Variants in TCERG1L observed in about 807,000 individuals in gnomAD.
TCERG1L encodes the protein transcription elongation regulator 1 like, also known as transcription elongation regulator 1-like protein.
A neutral mutation model predicts 56.3 loss-of-function variants in TCERG1L; 37 were observed. The ratio of observed to expected loss-of-function variants is 0.66; its 90% CI spans 0.51 to 0.87. TCERG1L has a LOEUF of 0.87. TCERG1L is among the 40% of genes least tolerant of loss of function. The pLI, the probability that TCERG1L is intolerant of heterozygous loss-of-function variation, is 0.00. For synonymous variants in TCERG1L, 324 were observed against 326.3 expected, an observed-to-expected ratio of 0.99 and a Z score of 0.08; for missense variants, 799 against 774.2, an observed-to-expected ratio of 1.03 and a Z score of -0.38.
At chr10:131,182,846 T>C (rs1845195747) in intron 4 of TCERG1L, among the ~76,000 whole-genome samples, 1 of 152,266 alleles carries the variant, frequency 6.6e-6, no homozygotes, top group African/African-American at 2.4e-5. Context: ...AACTAACTTC[T>C]TTCAGTTATC....
intron 4 of TCERG1L, among the ~76,000 whole-genome samples, chr10:131,170,789 T>A (rs1458691269): frequency 3.3e-5 from 5 of 152,098 alleles, no homozygotes; most frequent in Non-Finnish European, 7.3e-5. Flanking sequence ...GGGGAGGGCA[T>A]CCAGGGGAAA....
intron 8 of TCERG1L, among the ~76,000 whole-genome samples, chr10:131,129,440 C>A (rs527259993): frequency 6.6e-6 from 1 of 152,286 alleles, no homozygotes; most frequent in East Asian, 1.9e-4. Context: ...AAAACGCTGG[C>A]GTTGAGCTGA....
intron 3 of TCERG1L, among the ~76,000 whole-genome samples, chr10:131,284,550 A>C (rs868763615): frequency 3.3e-5 from 5 of 152,292 alleles, no homozygotes; most frequent in Middle Eastern, 3.4e-3. Context: ...AGATAAGAGC[A>C]GATTTCAATC....
intron 3 of TCERG1L, among the ~76,000 whole-genome samples, chr10:131,283,435 C>T (rs1397019254): frequency 2.0e-5 from 3 of 152,118 alleles, no homozygotes; most frequent in African/African-American, 7.2e-5. Flanking sequence ...AAAAGCATAA[C>T]CAACTGAGCT....
chr10:131,281,864 C>T (rs186035082), intron 3 of TCERG1L, among the ~76,000 whole-genome samples: 15 of 146,280 alleles, frequency 1.0e-4, no homozygotes, highest in Middle Eastern at 3.5e-3. Flanking sequence ...TGGCCGGGCG[C>T]GGTGGCTCAC....
intron 4 of TCERG1L, among the ~76,000 whole-genome samples, chr10:131,251,309 C>T (rs867068096): frequency 6.6e-6 from 1 of 151,810 alleles, no homozygotes; most frequent in Non-Finnish European, 1.5e-5. Flanking sequence ...CCCCCTCCCC[C>T]CGGCCCCTCC....
intron 4 of TCERG1L, among the ~76,000 whole-genome samples, chr10:131,222,967 A>G (rs936465489): frequency 1.3e-5 from 2 of 152,158 alleles, no homozygotes; most frequent in African/African-American, 4.8e-5. Flanking sequence ...TCTGCACAAG[A>G]CAATGGCCTA....
intron 11 of TCERG1L, among the ~76,000 whole-genome samples, chr10:131,097,073 G>A (rs1449839496): frequency 6.6e-6 from 1 of 151,488 alleles, no homozygotes; most frequent in East Asian, 2.0e-4. Context: ...GGTAGTGGGT[G>A]CCTGTTATCC....
At chr10:131,168,106 T>C (rs1846050873) in intron 4 of TCERG1L, among the ~76,000 whole-genome samples, 2 of 152,184 alleles carry the variant, frequency 1.3e-5, no homozygotes, top group Non-Finnish European at 2.9e-5. Flanking sequence ...TGCTCCTTCC[T>C]GGTAGACGGA....
At chr10:131,127,506 G>A (rs12242315) in intron 8 of TCERG1L, among the ~76,000 whole-genome samples, 2,068 of 152,278 alleles carry the variant, frequency 0.014, 46 homozygotes, top group African/African-American at 0.047. Context: ...CAGGAAGTTC[G>A]AAAGGGCAGG....
Position 131,311,522 on chromosome 10 carries a change from GGGCGGCGGC to G in TCERG1L, c.105_113del (p.Pro36_Pro38del), listed in dbSNP as rs891363436. 1.3e-5 allele frequency: 16 copies of G among 1,200,380 alleles called. No homozygotes were observed. Among genetic ancestry groups the G allele is most frequent in the Non-Finnish European group, 1.3e-5 (13 of 965,578 alleles). The allele number at this position is 1,200,380 out of a possible 1,614,324, so 74.4% of individuals were successfully genotyped here. ...CCGAGCCCGGCACCATCCAGACCCA[GGGCGGCGGC>G]GGCGGCGGCTCTGCGTCCATCGGCC... On this transcript the variant is annotated inframe_deletion, in exon 1 of 12. Coordinates refer to ENST00000368642, the MANE Select transcript of TCERG1L (RefSeq NM_174937.4). The surrounding 1 kb of genome is among the most constrained non-coding windows in gnomAD (Gnocchi z 4.0).
intron 7 of TCERG1L, among the ~76,000 whole-genome samples, chr10:131,135,148 C>A (rs969358161): frequency 6.6e-6 from 1 of 152,166 alleles, no homozygotes; most frequent in African/African-American, 2.4e-5. Flanking sequence ...GTCATCCAGA[C>A]CAAAAATTTT....
At chr10:131,226,460 C>T (rs1807082644) in intron 4 of TCERG1L, among the ~76,000 whole-genome samples, 1 of 152,206 alleles carries the variant, frequency 6.6e-6, no homozygotes, top group South Asian at 2.1e-4. Flanking sequence ...CAAGCCACCA[C>T]CTTTCCAGAA....
chr10:131,222,048 C>CAAG (rs927649468), intron 4 of TCERG1L, among the ~76,000 whole-genome samples: 6 of 152,304 alleles, frequency 3.9e-5, no homozygotes, highest in Middle Eastern at 3.4e-3. Context: ...GGGGTTAATC[C>CAAG]ACATTTCTCA....
chr10:131,176,699 GAC>G (rs1158348693), intron 4 of TCERG1L, among the ~76,000 whole-genome samples: 3 of 100,930 alleles, frequency 3.0e-5, no homozygotes, highest in African/African-American at 5.4e-5. Context: ...TGCACACACA[GAC>G]ACGTGTACAC....
chr10:131,163,004 AT>A, intron 6 of TCERG1L, 117 bp downstream of exon 6: 1 of 767,346 alleles, frequency 1.3e-6, no homozygotes, highest in Non-Finnish European at 2.0e-6. Context: ...TTGCAAGTTC[AT>A]TGTTTTTAAG....
intron 6 of TCERG1L, among the ~76,000 whole-genome samples, chr10:131,159,775 C>T (rs1006742697): frequency 6.6e-6 from 1 of 152,142 alleles, no homozygotes; most frequent in African/African-American, 2.4e-5. Flanking sequence ...GTGCATCATG[C>T]TGCCATTAGT....
At chr10:131,192,107 G>C (rs1845311001) in intron 4 of TCERG1L, among the ~76,000 whole-genome samples, 1 of 142,894 alleles carries the variant, frequency 7.0e-6, no homozygotes. Context: ...CAGAATGGGA[G>C]AAAATATTTG....
Position 131,092,999 on chromosome 10 carries a change from A to G in TCERG1L, c.*163T>C. 1.6e-6 allele frequency: 1 copy of G among 620,256 alleles called. No individual in the cohort carries two copies. The highest frequency in any genetic ancestry group is 2.2e-5 in the South Asian group (1 of 44,942). 38.4% of individuals were successfully genotyped at this position (620,256 alleles called of 1,614,324 possible). On this transcript the variant is annotated 3_prime_UTR_variant, in exon 12 of 12. Coordinates refer to ENST00000368642, the MANE Select transcript of TCERG1L (RefSeq NM_174937.4). ...TGAATGTACAAAAGAGAGAGCTTCA[A>G]TATGAAACAGTAATCCTCTGAGAAC...
Sources: allele counts gnomAD v4.1 joint callset (sites outside exome capture counted in the v4.1 genomes callset), GRCh38; gene constraint gnomAD v4.1.1; non-coding constraint Gnocchi (gnomAD v3.1); transcripts MANE v1.5; gene names NCBI Gene and HGNC (gene_info 2026-07-23, HGNC 2026-07-21).